The following SOX6 variants were observed in gnomAD, a reference collection of about 807,000 sequenced individuals.
SOX6 encodes transcription factor SOX-6.
SOX6 carries 11 observed loss-of-function variants against 97.8 expected under a neutral mutation model. That is an observed-to-expected ratio of 0.11 (90% CI 0.07 to 0.19). The LOEUF (loss-of-function observed/expected upper bound fraction) is 0.19. SOX6 is among the 10% of genes least tolerant of loss of function. The pLI, the probability that SOX6 is intolerant of heterozygous loss-of-function variation, is 1.00. For synonymous variants in SOX6, 360 were observed against 371.4 expected (o/e 0.97, Z 0.35); for missense variants, 810 against 1,039.5 (o/e 0.78, Z 3.04).
At chr11:16,109,340 A>G (rs1384200422) in intron 7 of SOX6, among the ~76,000 whole-genome samples, 2 of 152,170 alleles carry the variant, frequency 1.3e-5, no homozygotes, top group African/African-American at 4.8e-5. Context: ...AGCTAGGACT[A>G]CAGGTGAACA....
At chr11:16,199,307 CT>C (rs201642253) in intron 4 of SOX6, among the ~76,000 whole-genome samples, 9 of 152,000 alleles carry the variant, frequency 5.9e-5, no homozygotes, top group South Asian at 2.1e-4. Context: ...TCAATAAACA[CT>C]TTTTTTTAGC....
intron 1 of SOX6, among the ~76,000 whole-genome samples, chr11:16,441,082 G>C (rs1859494790): frequency 6.6e-6 from 1 of 151,912 alleles, no homozygotes; most frequent in Admixed American, 6.6e-5. Flanking sequence ...TAATACTATA[G>C]CCACCCCTCA....
At chr11:16,733,756 G>T (rs193157296) in intron 2 of SOX6, among the ~76,000 whole-genome samples, 2 of 149,514 alleles carry the variant, frequency 1.3e-5, no homozygotes, top group African/African-American at 4.9e-5. Flanking sequence ...GCCAGGCACG[G>T]TGGCTCACGT....
At chr11:16,571,669 T>G (rs1235305686) in intron 4 of SOX6, among the ~76,000 whole-genome samples, 2 of 152,184 alleles carry the variant, frequency 1.3e-5, no homozygotes, top group Non-Finnish European at 2.9e-5. Context: ...TTTGTTTTTT[T>G]GAGACAGAGT....
chr11:16,496,802 G>A (rs1421158932), intron 4 of SOX6, among the ~76,000 whole-genome samples: 1 of 152,188 alleles, frequency 6.6e-6, no homozygotes, highest in African/African-American at 2.4e-5. Flanking sequence ...GGCTTGAGTA[G>A]GTAAACAAAG....
intron 4 of SOX6, among the ~76,000 whole-genome samples, chr11:16,596,741 G>T (rs1848216194): frequency 6.6e-6 from 1 of 152,064 alleles, no homozygotes; most frequent in African/African-American, 2.4e-5. Flanking sequence ...TCACCATCAA[G>T]GATTCTTTTA....
intron 3 of SOX6, among the ~76,000 whole-genome samples, chr11:16,254,823 A>G (rs2134204922): frequency 6.6e-6 from 1 of 152,082 alleles, no homozygotes; most frequent in East Asian, 1.9e-4. Context: ...CAATCTAAAA[A>G]CAGAGATTGT....
At chr11:16,342,902 A>G (rs1018460190) in intron 1 of SOX6, among the ~76,000 whole-genome samples, 10 of 152,024 alleles carry the variant, frequency 6.6e-5, no homozygotes, top group African/African-American at 1.9e-4. Flanking sequence ...CAAAAATTGT[A>G]TCTATTAAAT....
chr11:16,516,862 A>G (rs77269788), intron 4 of SOX6, among the ~76,000 whole-genome samples: 25,997 of 151,112 alleles, frequency 0.17, 2,773 homozygotes, highest in East Asian at 0.32. Flanking sequence ...AAAGTCGGGC[A>G]GAGACACAAC....
At chr11:16,449,485 G>T (rs7935820) in intron 1 of SOX6, among the ~76,000 whole-genome samples, 118,936 of 151,792 alleles carry the variant, frequency 0.78, 46,792 homozygotes, top group Middle Eastern at 0.85. Context: ...GTGGAGACAG[G>T]GTTTCACCGT....
At chr11:16,070,496 T>C (rs555880329) in intron 9 of SOX6, among the ~76,000 whole-genome samples, 3 of 152,244 alleles carry the variant, frequency 2.0e-5, no homozygotes, top group African/African-American at 7.2e-5. Context: ...AGCATTTCCT[T>C]ATGGAACATA....
At position 16,408,232 on chromosome 11, in the gene SOX6, A is replaced by G. The variant is rs1205129400; in HGVS notation, c.-4-66980T>C. ...AAGTCCATGTTCAGAGAGCTGTACT[A>G]ACTCTTCTGAAAGGAAGCAGCTTAC... On this transcript the variant is annotated intron_variant, in intron 1 of 15. Coordinates refer to the SOX6 transcript ENST00000396356. Among the ~76,000 whole-genome samples, 3 of 152,326 alleles carry G rather than the reference A, an allele frequency of 2.0e-5. No individual in the cohort carries two copies. The East Asian group carries it at 5.8e-4, about 29-fold the overall frequency.
At chr11:16,184,822 G>C (rs937107448) in intron 5 of SOX6, among the ~76,000 whole-genome samples, 10 of 152,224 alleles carry the variant, frequency 6.6e-5, no homozygotes, top group Admixed American at 4.6e-4. Flanking sequence ...ACAGCTCGAA[G>C]TCCAGAGAGA....
intron 1 of SOX6, among the ~76,000 whole-genome samples, chr11:16,394,753 T>C (rs1186258424): frequency 6.6e-6 from 1 of 151,696 alleles, no homozygotes; most frequent in Non-Finnish European, 1.5e-5. Context: ...CTCAACTGTG[T>C]CCTAAATTTT....
chr11:16,711,714 T>C (rs1444493514), intron 3 of SOX6, among the ~76,000 whole-genome samples: 1 of 152,004 alleles, frequency 6.6e-6, no homozygotes, highest in African/African-American at 2.4e-5. Context: ...CAGCTCAAAA[T>C]GTTATGTTTC....
rs891921931 is a variant in SOX6 at position 16,610,334 on chromosome 11, G to A, written n.609+1747C>T. On this transcript the variant is annotated intron_variant and non_coding_transcript_variant, in intron 4 of 5. Transcript: ENST00000524520. The surrounding 1 kb of genome is among the most constrained non-coding windows in gnomAD (Gnocchi z 4.4). ...ACATTAGGGACGGAAAGGCTGGAGCGCGACTGGGTTCCTCCAATTTGCTGC... is the reference window on the plus strand; with the variant it reads ...ACATTAGGGACGGAAAGGCTGGAGCACGACTGGGTTCCTCCAATTTGCTGC... Among the ~76,000 whole-genome samples the A allele has an allele frequency of 6.6e-6, 1 of 152,192 alleles. No individual in the cohort carries two copies. Among genetic ancestry groups the A allele is most frequent in the African/African-American group, 2.4e-5 (1 of 41,440 alleles).
intron 4 of SOX6, among the ~76,000 whole-genome samples, chr11:16,193,485 A>C (rs1193545704): frequency 3.9e-5 from 6 of 152,220 alleles, no homozygotes; most frequent in African/African-American, 1.4e-4. Context: ...ATTTAAAATG[A>C]GATTTAAACC....
chr11:16,342,133 C>T (rs1263568096), intron 1 of SOX6, among the ~76,000 whole-genome samples: 4 of 151,916 alleles, frequency 2.6e-5, no homozygotes, highest in East Asian at 1.9e-4. Context: ...ATTGACTACA[C>T]GCTACATGAC....
intron 1 of SOX6, among the ~76,000 whole-genome samples, chr11:16,352,056 G>T (rs1419730380): frequency 1.3e-5 from 2 of 151,918 alleles, no homozygotes; most frequent in Non-Finnish European, 2.9e-5. Context: ...CCAGAAAAAA[G>T]TAGCCATGAA....
Sources: allele counts gnomAD v4.1 joint callset (sites outside exome capture counted in the v4.1 genomes callset), GRCh38; gene constraint gnomAD v4.1.1; non-coding constraint Gnocchi (gnomAD v3.1); transcripts MANE v1.5; gene names NCBI Gene and HGNC (gene_info 2026-07-23, HGNC 2026-07-21).